The following KCNQ1OT1 variants were observed in gnomAD, a reference collection of about 807,000 sequenced individuals.
KCNQ1OT1 encodes KCNQ1 antisense RNA 2 (non-protein coding).
Position 2,678,040 on chromosome 11 carries a change from C to T in KCNQ1OT1, n.21955G>A, listed in dbSNP as rs1038457535. The T allele has an allele frequency of 1.3e-5, 5 of 398,216 alleles. No homozygotes were observed. The highest frequency in any genetic ancestry group is 3.6e-5 in the East Asian group (1 of 28,034). 24.7% of individuals were successfully genotyped at this position (398,216 alleles called of 1,614,324 possible). A position where few individuals can be genotyped will look rare whatever the true frequency, so the allele number is the denominator to read the frequency against. ...ATCATTTGTTTTTCTTTCTTGTGAA[C>T]TATTTCTTCATACCCTTTGGACTTT... On this transcript the variant is annotated non_coding_transcript_exon_variant, in exon 1 of 1. Transcript: ENST00000597346. This position sits in a 1 kb window ranked among gnomAD's most constrained non-coding sequence, Gnocchi z 4.9.
At chr11:2,637,059 A>G (rs1849482518) in exon 1 of KCNQ1OT1, 2 of 151,990 alleles carry the variant, frequency 1.3e-5, no homozygotes, top group Non-Finnish European at 1.5e-5. Context: ...TATTGCATCT[A>G]TTTGATTCTT....
In KCNQ1OT1 at chr11:2,627,662, G is replaced by A; in HGVS notation, n.72333C>T. The A allele has an allele frequency of 2.5e-6, 1 of 398,512 alleles. No homozygotes were observed. Among genetic ancestry groups the A allele is most frequent in the Non-Finnish European group, 4.4e-6 (1 of 226,040 alleles). 24.7% of individuals were successfully genotyped at this position (398,512 alleles called of 1,614,324 possible). A position where few individuals can be genotyped will look rare whatever the true frequency, so the allele number is the denominator to read the frequency against. On this transcript the variant is annotated non_coding_transcript_exon_variant, in exon 1 of 1. Coordinates refer to ENST00000597346, the Ensembl canonical transcript of KCNQ1OT1. This position sits in a 1 kb window ranked among gnomAD's most constrained non-coding sequence, Gnocchi z 4.9. ...TTTTAAAGGATGAATATTTCATTGT[G>A]TGTGTGTATATATGTGTGTGTGTGT...
At chr11:2,630,895 T>G in exon 1 of KCNQ1OT1, 1 of 398,558 alleles carries the variant, frequency 2.5e-6, no homozygotes, top group Non-Finnish European at 4.4e-6. Context: ...GAACTTTGAA[T>G]ATATAATCCT....
exon 1 of KCNQ1OT1, chr11:2,667,661 G>A (rs1331227838): frequency 1.5e-5 from 6 of 398,546 alleles, no homozygotes; most frequent in Admixed American, 8.8e-5. Flanking sequence ...AGATTGAACT[G>A]CAGAGCCTCT....
In KCNQ1OT1 at chr11:2,608,980, A is replaced by G; in HGVS notation, n.91015T>C. ...ATCAAAGGTTTGTTAATTTCAAAGA[A>G]CCAAATTTTGGATTTGTTGACTTTA... On this transcript the variant is annotated non_coding_transcript_exon_variant, in exon 1 of 1. Transcript: ENST00000597346. This position sits in a 1 kb window ranked among gnomAD's most constrained non-coding sequence, Gnocchi z 4.6. 1 of 398,316 alleles carries G rather than the reference A, an allele frequency of 2.5e-6. No homozygotes were observed. The highest frequency in any genetic ancestry group is 2.1e-5 in the African/African-American group (1 of 48,672). 24.7% of individuals were successfully genotyped at this position (398,316 alleles called of 1,614,324 possible).
At position 2,626,708 on chromosome 11, in the gene KCNQ1OT1, T is replaced by C. The variant is rs964676067; in HGVS notation, n.73287A>G. 1 of 398,496 alleles carries C rather than the reference T, an allele frequency of 2.5e-6. No homozygotes were observed. Among genetic ancestry groups the C allele is most frequent in the Admixed American group, 4.4e-5 (1 of 22,722 alleles). 24.7% of individuals were successfully genotyped at this position (398,496 alleles called of 1,614,324 possible). On this transcript the variant is annotated non_coding_transcript_exon_variant, in exon 1 of 1. Transcript: ENST00000597346. This position sits in a 1 kb window ranked among gnomAD's most constrained non-coding sequence, Gnocchi z 4.0. ...TACACCTGGCCAATTATTTTATTTT[T>C]TGTAGAGATGAGGTCTCCCTGTGTT...
At chr11:2,640,879 C>T in exon 1 of KCNQ1OT1, 1 of 399,664 alleles carries the variant, frequency 2.5e-6, no homozygotes, top group Non-Finnish European at 4.4e-6. Context: ...TCTCTACCTC[C>T]ATGAGATCAA....
chr11:2,628,871 T>C, exon 1 of KCNQ1OT1: 1 of 398,402 alleles, frequency 2.5e-6, no homozygotes, highest in Non-Finnish European at 4.4e-6. Context: ...TTCAAGAGAG[T>C]ACCCTTTCCC....
exon 1 of KCNQ1OT1, chr11:2,636,690 C>G (rs1849472358): frequency 6.6e-6 from 1 of 152,120 alleles, no homozygotes; most frequent in Admixed American, 6.5e-5. Context: ...CAGGATGATG[C>G]TGGCCTCATA....
chr11:2,696,060 G>C (rs1407082434), exon 1 of KCNQ1OT1: 1 of 398,576 alleles, frequency 2.5e-6, no homozygotes. Context: ...TATGAAAACA[G>C]TCTTGACCCT....
At chr11:2,615,235 AAAAT>A in exon 1 of KCNQ1OT1, 1 of 398,152 alleles carries the variant, frequency 2.5e-6, no homozygotes, top group Non-Finnish European at 4.4e-6. Context: ...TGATTTTCTT[AAAAT>A]AAATGTTGAA....
exon 1 of KCNQ1OT1, chr11:2,693,264 A>T: frequency 2.5e-6 from 1 of 398,736 alleles, no homozygotes; most frequent in East Asian, 3.6e-5. Context: ...TACCAGGCTT[A>T]ACAACTCAGA....
exon 1 of KCNQ1OT1, chr11:2,630,824 C>T: frequency 2.5e-6 from 1 of 398,460 alleles, no homozygotes; most frequent in Non-Finnish European, 4.4e-6. Context: ...GTATCTGTTT[C>T]ATATCTGAAG....
exon 1 of KCNQ1OT1, chr11:2,618,717 A>C (rs1195684369): frequency 2.5e-6 from 1 of 398,448 alleles, no homozygotes; most frequent in Non-Finnish European, 4.4e-6. Context: ...AGAATTTAAA[A>C]AAATTTTCCA....
At position 2,653,771 on chromosome 11, in the gene KCNQ1OT1, C is replaced by T; in HGVS notation, n.46224G>A. The T allele has an allele frequency of 2.5e-6, 1 of 398,660 alleles. No individual in the cohort carries two copies. Among genetic ancestry groups the T allele is most frequent in the East Asian group, 3.6e-5 (1 of 28,066 alleles). The allele number at this position is 398,660 out of a possible 1,614,324, so 24.7% of individuals were successfully genotyped here. Reference sequence around the variant, plus strand: ...TTATTGGCCTCAGCTGGGGTACAAGCCATCCTTGGACCTGCAGCTGTACCT... The same window carrying T: ...TTATTGGCCTCAGCTGGGGTACAAGTCATCCTTGGACCTGCAGCTGTACCT... On this transcript the variant is annotated non_coding_transcript_exon_variant, in exon 1 of 1. Transcript: ENST00000597346. The surrounding 1 kb of genome is among the most constrained non-coding windows in gnomAD (Gnocchi z 5.3).
exon 1 of KCNQ1OT1, chr11:2,630,931 T>C: frequency 2.5e-6 from 1 of 398,554 alleles, no homozygotes; most frequent in Non-Finnish European, 4.4e-6. Context: ...GGAAAGTTTT[T>C]GCTCAGAAAT....
rs183080145 is a variant in KCNQ1OT1, at chr11:2,683,328, C to T, written n.16667G>A. 8.5e-5 allele frequency: 34 copies of T among 398,582 alleles called. No homozygotes were observed. Among genetic ancestry groups the T allele is most frequent in the East Asian group, 7.1e-4 (20 of 28,080 alleles). The allele number at this position is 398,582 out of a possible 1,614,324, so 24.7% of individuals were successfully genotyped here. Reference sequence around the variant, plus strand: ...AGACACATAGAGGCCAGGTTTCCCCCGCTCAACACTAGGCCACTGTGCCTG... The same window carrying T: ...AGACACATAGAGGCCAGGTTTCCCCTGCTCAACACTAGGCCACTGTGCCTG... On this transcript the variant is annotated non_coding_transcript_exon_variant, in exon 1 of 1. Transcript: ENST00000597346. This position sits in a 1 kb window ranked among gnomAD's most constrained non-coding sequence, Gnocchi z 4.7.
exon 1 of KCNQ1OT1, chr11:2,610,951 A>G: frequency 2.5e-6 from 1 of 398,068 alleles, no homozygotes; most frequent in Non-Finnish European, 4.4e-6. Context: ...TGATAGAACA[A>G]CAAGACAGAA....
exon 1 of KCNQ1OT1, chr11:2,662,484 G>A: frequency 2.1e-6 from 1 of 465,258 alleles, no homozygotes; most frequent in Non-Finnish European, 3.8e-6. Context: ...TCTGCCAGTT[G>A]CTGCTGCTGT....
Sources: allele counts gnomAD v4.1 joint callset, GRCh38; gene constraint gnomAD v4.1.1; non-coding constraint Gnocchi (gnomAD v3.1); transcripts MANE v1.5; gene names NCBI Gene and HGNC (gene_info 2026-07-23, HGNC 2026-07-21).